Variants in COL10A1 observed in about 807,000 individuals in gnomAD.
The protein encoded by COL10A1 is collagen alpha-1(X) chain.
COL10A1 carries 10 observed loss-of-function variants against 18.2 expected under a neutral mutation model. That is an observed-to-expected ratio of 0.55 (90% CI 0.34 to 0.93). The LOEUF is 0.93. Ranked by LOEUF, COL10A1 falls within the 40% of genes least tolerant of loss-of-function variation. COL10A1 has a pLI of 0.02. For synonymous variants in COL10A1, 330 were observed against 316.6 expected, an observed-to-expected ratio of 1.04 and a Z score of -0.45; for missense variants, 897 against 853.5, an observed-to-expected ratio of 1.05 and a Z score of -0.64.
Position 116,142,293 on chromosome 6 carries a change from T to C in COL10A1, c.-16+16321A>G, listed in dbSNP as rs1779786978. Among the ~76,000 whole-genome samples, 3 of 152,188 alleles carry C rather than the reference T, an allele frequency of 2.0e-5. No homozygotes were observed. In the South Asian group the frequency reaches 6.2e-4, roughly 32 times the overall value. ...TTAAATTCTATTTTTGCTTTTTTTT[T>C]CAATTTATTTGGCATATACTTAGGA... On this transcript the variant is annotated intron_variant, in intron 1 of 1. Transcript: ENST00000418500.
chr6:116,177,168 A>G, the COL10A1 span, among the ~76,000 whole-genome samples: 220 of 152,326 alleles, frequency 1.4e-3, no homozygotes, highest in East Asian at 4.2e-3. Context: ...GTCTTTTGTT[A>G]CTTGAGCTTT....
chr6:116,215,151 C>G, the COL10A1 span, among the ~76,000 whole-genome samples: 1 of 152,090 alleles, frequency 6.6e-6, no homozygotes, highest in Non-Finnish European at 1.5e-5. Flanking sequence ...GCTCTACAAT[C>G]TAATCACCTA....
chr6:116,190,839 A>T, the COL10A1 span, among the ~76,000 whole-genome samples: 2 of 152,002 alleles, frequency 1.3e-5, no homozygotes, highest in African/African-American at 4.8e-5. Context: ...GGTGCCAGAG[A>T]CAGGTTCTCA....
upstream of COL10A1, chr6:116,126,144 G>GCCT (rs1779299972): frequency 6.6e-6 from 1 of 152,612 alleles, no homozygotes; most frequent in Admixed American, 6.5e-5. Flanking sequence ...CCTCTCAAGA[G>GCCT]CTGTTCAGTG....
the COL10A1 span, among the ~76,000 whole-genome samples, chr6:116,179,111 A>G: frequency 6.6e-6 from 1 of 152,150 alleles, no homozygotes; most frequent in African/African-American, 2.4e-5. Flanking sequence ...AGAGATATTT[A>G]GCTTCAGGAA....
the COL10A1 span, among the ~76,000 whole-genome samples, chr6:116,213,759 A>C: frequency 6.6e-6 from 1 of 152,136 alleles, no homozygotes; most frequent in African/African-American, 2.4e-5. Context: ...TGTAACAGGC[A>C]CAGGATCCTG....
chr6:116,156,870 C>G (rs1356494794), intron 1 of COL10A1, among the ~76,000 whole-genome samples: 1 of 152,212 alleles, frequency 6.6e-6, no homozygotes, highest in East Asian at 1.9e-4. Flanking sequence ...CATCACAACT[C>G]TTGCCACAAC....
chr6:116,146,065 G>A (rs1223645670), intron 1 of COL10A1, among the ~76,000 whole-genome samples: 1 of 152,164 alleles, frequency 6.6e-6, no homozygotes, highest in Non-Finnish European at 1.5e-5. Context: ...ACATATGCAC[G>A]GTTACCAGCC....
the COL10A1 span, among the ~76,000 whole-genome samples, chr6:116,172,654 T>G: frequency 6.6e-6 from 1 of 152,146 alleles, no homozygotes; most frequent in African/African-American, 2.4e-5. Flanking sequence ...GTAAGGAAAT[T>G]GTTTATGTTT....
chr6:116,170,084 T>A, the COL10A1 span, among the ~76,000 whole-genome samples: 1 of 152,184 alleles, frequency 6.6e-6, no homozygotes, highest in Non-Finnish European at 1.5e-5. Flanking sequence ...ATCCCTCTTT[T>A]CTTCAGTAGG....
At chr6:116,182,218 G>GGAGA in the COL10A1 span, among the ~76,000 whole-genome samples, 966 of 133,412 alleles carry the variant, frequency 7.2e-3, 12 homozygotes, top group African/African-American at 0.027. Flanking sequence ...AGTATTCCAT[G>GGAGA]GAGAGTGTGT....
the COL10A1 span, among the ~76,000 whole-genome samples, chr6:116,188,934 G>C: frequency 6.6e-6 from 1 of 151,722 alleles, no homozygotes; most frequent in African/African-American, 2.4e-5. Flanking sequence ...TTGCAGAGTG[G>C]AGTTTAATTT....
intron 1 of COL10A1, among the ~76,000 whole-genome samples, chr6:116,155,749 C>T (rs1582840267): frequency 1.4e-5 from 2 of 142,464 alleles, no homozygotes; most frequent in South Asian, 2.2e-4. Flanking sequence ...ATGTACTTCT[C>T]CTTAAAAAAA....
the COL10A1 span, among the ~76,000 whole-genome samples, chr6:116,201,768 C>T: frequency 6.6e-6 from 1 of 152,016 alleles, no homozygotes; most frequent in Non-Finnish European, 1.5e-5. Context: ...CCACTTGATT[C>T]TGGGCAGAGT....
At chr6:116,139,094 A>G (rs1779698897) in intron 1 of COL10A1, among the ~76,000 whole-genome samples, 1 of 152,166 alleles carries the variant, frequency 6.6e-6, no homozygotes, top group Non-Finnish European at 1.5e-5. Context: ...CTTATGATTT[A>G]TAGCACAACT....
intron 1 of COL10A1, among the ~76,000 whole-genome samples, chr6:116,149,861 G>C (rs1779992885): frequency 6.6e-6 from 1 of 152,200 alleles, no homozygotes; most frequent in Admixed American, 6.5e-5. Context: ...TAAGGAATTT[G>C]ATTTGCACAA....
intron 1 of COL10A1, among the ~76,000 whole-genome samples, chr6:116,156,547 G>T (rs151080463): frequency 1.7e-3 from 254 of 152,318 alleles, no homozygotes; most frequent in Non-Finnish European, 3.0e-3. Flanking sequence ...AGAGGAGACC[G>T]ATTACATGTG....
At chr6:116,186,467 AT>A in the COL10A1 span, among the ~76,000 whole-genome samples, 1 of 151,886 alleles carries the variant, frequency 6.6e-6, no homozygotes, top group East Asian at 1.9e-4. Context: ...TCCCTCAAAC[AT>A]GTTTCCCAGA....
the COL10A1 span, among the ~76,000 whole-genome samples, chr6:116,183,326 C>A: frequency 6.6e-6 from 1 of 152,046 alleles, no homozygotes; most frequent in East Asian, 1.9e-4. Flanking sequence ...CAGATTTGTT[C>A]TTTTTGCTTA....
Sources: gnomAD v4.1 joint callset for allele counts (sites outside exome capture counted in the v4.1 genomes callset) on GRCh38, gnomAD v4.1.1 for gene constraint, MANE v1.5 for transcripts, NCBI Gene and HGNC (gene_info 2026-07-23, HGNC 2026-07-21) for gene names.